The following MALAT1 variants were observed in gnomAD, a reference collection of about 807,000 sequenced individuals.
MALAT1 encodes hepcarcin.
At chr11:65,505,517 C>T (rs1335516171) in intron 3 of MALAT1, 1 of 515,816 alleles carries the variant, frequency 1.9e-6, no homozygotes, top group Admixed American at 1.9e-5. Flanking sequence ...TTCCAGAAGC[C>T]TGTTAAAAGC....
At chr11:65,500,507 G>GT (rs1454965425) in exon 3 of MALAT1, 1 of 518,882 alleles carries the variant, frequency 1.9e-6, no homozygotes, top group Non-Finnish European at 3.8e-6. Flanking sequence ...GCAAGCAGCA[G>GT]TTCGTGGTGA....
chr11:65,505,192 C>G (rs771040649), intron 3 of MALAT1: 4 of 518,618 alleles, frequency 7.7e-6, no homozygotes, highest in Non-Finnish European at 1.5e-5. Context: ...TTCAGGTACC[C>G]CTCACTAAAG....
exon 3 of MALAT1, chr11:65,499,252 TAGA>T (rs756852178): frequency 3.7e-5 from 19 of 512,058 alleles, no homozygotes; most frequent in Non-Finnish European, 6.6e-5. Flanking sequence ...TATGAAGACT[TAGA>T]AGAGTAGCAT....
chr11:65,505,089 T>G (rs1334369851), intron 3 of MALAT1: 4 of 519,042 alleles, frequency 7.7e-6, no homozygotes, highest in South Asian at 5.6e-5. Flanking sequence ...TGAATAGATT[T>G]CAGCTTTATG....
Position 65,499,984 on chromosome 11 carries a change from G to GA in MALAT1, n.1253dup, listed in dbSNP as rs397848949. The GA allele has an allele frequency of 1.2e-5, 5 of 425,602 alleles. No individual in the cohort carries two copies. In the East Asian group the frequency reaches 3.5e-4, roughly 30 times the overall value. The allele number at this position is 425,602 out of a possible 1,614,324, so 26.4% of individuals were successfully genotyped here. A position where few individuals can be genotyped will look rare whatever the true frequency, so the allele number is the denominator to read the frequency against. On this transcript the variant is annotated non_coding_transcript_exon_variant, in exon 3 of 4. Transcript: ENST00000619449. Reference sequence around the variant, plus strand: ...GCCAAAAATTGGATAAAATAGCACTGAAAAAATGAGGAAATTATTGGTAAC... The same window carrying GA: ...GCCAAAAATTGGATAAAATAGCACTGAAAAAAATGAGGAAATTATTGGTAAC...
intron 3 of MALAT1, chr11:65,505,274 CT>C: frequency 1.9e-6 from 1 of 518,696 alleles, no homozygotes; most frequent in Non-Finnish European, 3.8e-6. Context: ...CGCTATTATC[CT>C]AAGGTCAAGA....
exon 3 of MALAT1, chr11:65,500,437 A>G (rs568479578): frequency 1.5e-5 from 8 of 519,012 alleles, no homozygotes; most frequent in South Asian, 1.1e-4. Context: ...CTAGGAAGAC[A>G]GCAGCAGACA....
At chr11:65,499,217 A>G (rs567966722) in exon 3 of MALAT1, 2 of 502,884 alleles carry the variant, frequency 4.0e-6, no homozygotes, top group South Asian at 2.9e-5. Context: ...ACGTAATTTT[A>G]ATAGCTTAAG....
At chr11:65,501,080 T>A in exon 3 of MALAT1, 1 of 511,678 alleles carries the variant, frequency 2.0e-6, no homozygotes, top group Non-Finnish European at 3.9e-6. Flanking sequence ...TTTCAGCAAA[T>A]CTGTAAGCAG....
At chr11:65,504,004 A>G (rs1854615570) in intron 3 of MALAT1, 1 of 517,114 alleles carries the variant, frequency 1.9e-6, no homozygotes, top group Non-Finnish European at 3.9e-6. Flanking sequence ...ACTTTTTCAC[A>G]TTTCCAAAGT....
At chr11:65,503,293 C>T (rs1051608294) in exon 3 of MALAT1, 1 of 518,060 alleles carries the variant, frequency 1.9e-6, no homozygotes, top group Non-Finnish European at 3.9e-6. Context: ...TTCTCCTGAC[C>T]CCTTCCCTAG....
chr11:65,504,817 C>G (rs1275656202), intron 3 of MALAT1: 3 of 518,860 alleles, frequency 5.8e-6, no homozygotes, highest in Admixed American at 3.9e-5. Context: ...TTCTTACATG[C>G]AGGAACACTC....
At chr11:65,503,074 A>C (rs748184788) in exon 3 of MALAT1, 1 of 511,128 alleles carries the variant, frequency 2.0e-6, no homozygotes, top group Non-Finnish European at 3.9e-6. Context: ...GATCAAGTGG[A>C]TTGAGGAGGC....
chr11:65,504,362 T>G (rs549825418), intron 3 of MALAT1: 1 of 518,004 alleles, frequency 1.9e-6, no homozygotes, highest in Non-Finnish European at 3.9e-6. Flanking sequence ...ACTTCAGGTC[T>G]GTCTGTTCTG....
exon 3 of MALAT1, chr11:65,501,589 A>C (rs147652295): frequency 2.3e-5 from 12 of 518,684 alleles, no homozygotes; most frequent in Middle Eastern, 3.2e-4. Flanking sequence ...AAGATTTTCC[A>C]CAGATGCTAT....
chr11:65,504,039 C>T (rs759864476), intron 3 of MALAT1: 3 of 518,010 alleles, frequency 5.8e-6, no homozygotes, highest in Non-Finnish European at 3.9e-6. Context: ...TAAATGCTTA[C>T]AATCTTAGAG....
intron 3 of MALAT1, chr11:65,505,111 G>A (rs1590707061): frequency 1.9e-6 from 1 of 519,024 alleles, no homozygotes; most frequent in Admixed American, 1.9e-5. Context: ...TGGAGTAACT[G>A]GCATGTGAGC....
At chr11:65,499,341 A>C (rs935513962) in exon 3 of MALAT1, 1 of 497,840 alleles carries the variant, frequency 2.0e-6, no homozygotes, top group Admixed American at 2.1e-5. Context: ...TAAAAAATGT[A>C]TTTAAAAGAA....
At chr11:65,500,463 GTGTT>G (rs1854519644) in exon 3 of MALAT1, 1 of 518,896 alleles carries the variant, frequency 1.9e-6, no homozygotes, top group African/African-American at 1.9e-5. Context: ...CCAGGAACCA[GTGTT>G]TGATGAAGCT....
Sources: allele counts gnomAD v4.1 joint callset, GRCh38; gene constraint gnomAD v4.1.1; transcripts MANE v1.5; gene names NCBI Gene and HGNC (gene_info 2026-07-23, HGNC 2026-07-21).